The following PLSCR2 variants were observed in gnomAD, a reference collection of about 807,000 sequenced individuals.
PLSCR2 encodes the protein phospholipid scramblase 2, also known as PL scramblase 2.
A neutral mutation model predicts 25.3 loss-of-function variants in PLSCR2; 18 were observed. The observed-to-expected ratio is 0.71, with a 90% CI of 0.49 to 1.06. The LOEUF (loss-of-function observed/expected upper bound fraction) is 1.06. Ranked by LOEUF, PLSCR2 falls within the 50% of genes least tolerant of loss-of-function variation. The pLI is 0.00. For missense variants in PLSCR2, 243 were observed against 269.5 expected, an observed-to-expected ratio of 0.90 and a Z score of 0.69; for synonymous variants, 88 against 87.3, an observed-to-expected ratio of 1.01 and a Z score of -0.04.
At chr3:146,418,380 G>T (rs1471802018) in intron 2 of PLSCR2, among the ~76,000 whole-genome samples, 1 of 152,116 alleles carries the variant, frequency 6.6e-6, no homozygotes, top group African/African-American at 2.4e-5. Flanking sequence ...TGTAAATCTT[G>T]CATCGGTTGT....
At chr3:146,493,273 G>T (rs1228938714) in intron 1 of PLSCR2, among the ~76,000 whole-genome samples, 1 of 152,054 alleles carries the variant, frequency 6.6e-6, no homozygotes, top group Non-Finnish European at 1.5e-5. Flanking sequence ...GAGGAGGAGG[G>T]ACTATCTTCT....
chr3:146,454,609 A>G lies in PLSCR2; in HGVS notation c.322-446T>C, dbSNP rs141697352. 2.8e-3 allele frequency among the ~76,000 whole-genome samples: 429 copies of G among 152,286 alleles called. 2 individuals are homozygous for G. Among genetic ancestry groups the G allele is most frequent in the African/African-American group, 9.8e-3 (408 of 41,548 alleles). ...TCCTGGAAAAGGCCAACTTTCCTAA[A>G]ACATCTCTGAACCCTACTGTCTTCT... On this transcript the variant is annotated intron_variant, in intron 4 of 6. Coordinates refer to ENST00000610787, the Ensembl canonical transcript of PLSCR2.
intron 2 of PLSCR2, among the ~76,000 whole-genome samples, chr3:146,412,379 C>A (rs1343135122): frequency 6.6e-6 from 1 of 152,114 alleles, no homozygotes; most frequent in African/African-American, 2.4e-5. Context: ...CCTTTGAAAT[C>A]TACATGGAAG....
At chr3:146,421,666 A>G (rs1003574671) in intron 2 of PLSCR2, among the ~76,000 whole-genome samples, 1 of 152,064 alleles carries the variant, frequency 6.6e-6, no homozygotes, top group African/African-American at 2.4e-5. Flanking sequence ...CACCACAACA[A>G]TAAACATTCC....
At chr3:146,458,138 G>A (rs1404753849) in intron 3 of PLSCR2, among the ~76,000 whole-genome samples, 2 of 152,090 alleles carry the variant, frequency 1.3e-5, no homozygotes, top group Non-Finnish European at 2.9e-5. Context: ...CTCGGTACAG[G>A]TACAATTTCT....
At chr3:146,463,838 C>A, upstream of PLSCR2, 1 of 975,098 alleles carries the variant, frequency 1.0e-6, no homozygotes, top group African/African-American at 1.7e-5. Flanking sequence ...TCCTTACCTG[C>A]CATTTCAAAA....
At chr3:146,404,826 G>GT (rs2038604397) in intron 2 of PLSCR2, among the ~76,000 whole-genome samples, 1 of 150,532 alleles carries the variant, frequency 6.6e-6, no homozygotes, top group South Asian at 2.1e-4. Flanking sequence ...AAAAAAGGGG[G>GT]GGGGTGGTGG....
downstream of PLSCR2, among the ~76,000 whole-genome samples, chr3:146,438,105 T>C (rs976443344): frequency 1.3e-5 from 2 of 152,184 alleles, no homozygotes; most frequent in African/African-American, 2.4e-5. Flanking sequence ...TCTTAATCCT[T>C]AGTTCTAGTT....
chr3:146,483,891 G>C (rs1429067195), intron 1 of PLSCR2, among the ~76,000 whole-genome samples: 1 of 151,934 alleles, frequency 6.6e-6, no homozygotes, highest in Admixed American at 6.6e-5. Flanking sequence ...TCCTCCAAAT[G>C]ATTACAACAT....
At chr3:146,423,283 C>CTCTCTCTCTCTCT (rs2039223901) in intron 2 of PLSCR2, among the ~76,000 whole-genome samples, 1 of 75,472 alleles carries the variant, frequency 1.3e-5, no homozygotes, top group Non-Finnish European at 3.0e-5. Flanking sequence ...CTCTCTCTCT[C>CTCTCTCTCTCTCT]CCTGGCTAGA....
At chr3:146,408,517 GT>G (rs980277176) in intron 2 of PLSCR2, among the ~76,000 whole-genome samples, 3 of 151,588 alleles carry the variant, frequency 2.0e-5, no homozygotes, top group East Asian at 1.9e-4. Flanking sequence ...GCTTGTTTCT[GT>G]TTTTTTTAAG....
intron 1 of PLSCR2, among the ~76,000 whole-genome samples, chr3:146,480,459 C>A (rs114475234): frequency 0.047 from 7,215 of 152,238 alleles, 241 homozygotes; most frequent in Non-Finnish European, 0.074. Context: ...ACTATAAACA[C>A]CTCTGCGAAA....
exon 5 of PLSCR2, chr3:146,454,074 C>T: frequency 6.2e-7 from 1 of 1,610,584 alleles, no homozygotes; most frequent in South Asian, 1.1e-5. Context: ...CCTCTCTTTT[C>T]TGATTTTTAA....
intron 2 of PLSCR2, among the ~76,000 whole-genome samples, chr3:146,407,954 C>T (rs968347093): frequency 6.6e-6 from 1 of 152,166 alleles, no homozygotes; most frequent in African/African-American, 2.4e-5. Flanking sequence ...TCTTGACAGT[C>T]ATGGATAGTA....
chr3:146,403,409 T>C (rs970003363), intron 2 of PLSCR2, among the ~76,000 whole-genome samples: 4 of 152,186 alleles, frequency 2.6e-5, no homozygotes, highest in African/African-American at 9.7e-5. Flanking sequence ...GAATCAACAA[T>C]GGGTCTGTAA....
intron 2 of PLSCR2, among the ~76,000 whole-genome samples, chr3:146,406,899 A>G (rs551970049): frequency 8.5e-5 from 13 of 152,326 alleles, no homozygotes; most frequent in African/African-American, 3.1e-4. Context: ...TTCCTCGAAC[A>G]AGTGGCAGGA....
At position 146,411,421 on chromosome 3, in the gene PLSCR2, C is replaced by T. The variant is rs989610949; in HGVS notation, c.101-15500G>A. 2.6e-5 allele frequency among the ~76,000 whole-genome samples: 4 copies of T among 152,222 alleles called. No individual in the cohort carries two copies. In the South Asian group the frequency reaches 8.3e-4, roughly 31 times the overall value. On this transcript the variant is annotated intron_variant and NMD_transcript_variant, in intron 2 of 3. Transcript: ENST00000463633. ...ACCCTGGGGTCAGAAGCTGAGGACT[C>T]AGATGTTGAATTTTAGGGCACCCAC...
downstream of PLSCR2, among the ~76,000 whole-genome samples, chr3:146,428,945 C>T (rs1339902036): frequency 6.6e-6 from 1 of 152,134 alleles, no homozygotes; most frequent in East Asian, 1.9e-4. Flanking sequence ...TGATCTTTAC[C>T]AACACACAGT....
chr3:146,486,485 G>A (rs1397557655), intron 1 of PLSCR2, among the ~76,000 whole-genome samples: 2 of 151,304 alleles, frequency 1.3e-5, no homozygotes, highest in Non-Finnish European at 1.5e-5. Flanking sequence ...TGATAAAGGG[G>A]ATATCACCAA....
Sources: allele counts gnomAD v4.1 joint callset (sites outside exome capture counted in the v4.1 genomes callset), GRCh38; gene constraint gnomAD v4.1.1; transcripts MANE v1.5; gene names NCBI Gene and HGNC (gene_info 2026-07-23, HGNC 2026-07-21).